NCAM1: variants seen among roughly 807,000 people sequenced by gnomAD.
NCAM1 encodes antigen recognized by monoclonal antibody 5.1H11.
In NCAM1, 14 loss-of-function variants were observed where a neutral mutation model predicts 109.8. That is an observed-to-expected ratio of 0.13 (90% CI 0.08 to 0.20). The LOEUF is 0.20. Ranked by LOEUF, NCAM1 falls within the 10% of genes least tolerant of loss-of-function variation. The pLI, the probability that NCAM1 is intolerant of heterozygous loss-of-function variation, is 1.00. For missense variants in NCAM1, 774 were observed against 1,109.9 expected (o/e 0.70, Z 4.30); for synonymous variants, 418 against 442.9 (o/e 0.94, Z 0.70).
intron 1 of NCAM1, among the ~76,000 whole-genome samples, chr11:113,082,790 C>T (rs1245112): frequency 6.6e-6 from 1 of 151,756 alleles, no homozygotes; most frequent in African/African-American, 2.4e-5. Context: ...ATTCAGCAAC[C>T]GTGAGTATCC....
chr11:112,962,765 C>T lies in NCAM1; in HGVS notation c.52+1101C>T, dbSNP rs1179959834. Among the ~76,000 whole-genome samples, 2 of 152,118 alleles carry T rather than the reference C, an allele frequency of 1.3e-5. No homozygotes were observed. The highest frequency in any genetic ancestry group is 2.4e-5 in the African/African-American group (1 of 41,422). ...CACCCTCCCCTCCAGCTGTCATCCC[C>T]CCACCTCCACCCAAGGATTTGCGCT... On this transcript the variant is annotated intron_variant, in intron 1 of 19. Transcript: ENST00000316851. This position sits in a 1 kb window ranked among gnomAD's most constrained non-coding sequence, Gnocchi z 5.6.
intron 7 of NCAM1, among the ~76,000 whole-genome samples, chr11:113,213,243 T>C (rs1555113893): frequency 6.6e-6 from 1 of 152,228 alleles, no homozygotes. Context: ...TTGGTTCATT[T>C]GTTTGTTTCC....
chr11:113,084,783 A>G (rs1263914929), intron 1 of NCAM1, among the ~76,000 whole-genome samples: 1 of 152,230 alleles, frequency 6.6e-6, no homozygotes, highest in African/African-American at 2.4e-5. Flanking sequence ...CATACCAGCC[A>G]TCTAACTTCT....
chr11:112,967,046 A>G (rs980608838), intron 1 of NCAM1, among the ~76,000 whole-genome samples: 4 of 152,250 alleles, frequency 2.6e-5, no homozygotes, highest in African/African-American at 4.8e-5. Flanking sequence ...TTGAATTCAA[A>G]GATTGCATGG....
chr11:113,231,231 G>A (rs1747695751), intron 9 of NCAM1: 5 of 1,536,176 alleles, frequency 3.3e-6, no homozygotes, highest in South Asian at 2.4e-5. Flanking sequence ...TGGGCAGACA[G>A]AAAGGACAGG....
chr11:113,252,950 C>G (rs1555121658), intron 15 of NCAM1, among the ~76,000 whole-genome samples: 1 of 150,916 alleles, frequency 6.6e-6, no homozygotes, highest in Admixed American at 6.6e-5. Context: ...TGTGACCAGC[C>G]AATATTATTA....
chr11:113,045,651 A>G (rs543205532), intron 1 of NCAM1, among the ~76,000 whole-genome samples: 2 of 152,330 alleles, frequency 1.3e-5, no homozygotes, highest in Admixed American at 1.3e-4. Flanking sequence ...ATACGATAAT[A>G]TATCGCAAAT....
intron 1 of NCAM1, among the ~76,000 whole-genome samples, chr11:113,158,715 A>G (rs1266218943): frequency 3.3e-5 from 5 of 152,192 alleles, no homozygotes; most frequent in African/African-American, 1.2e-4. Context: ...CTTCTCATTA[A>G]TTAACATGTT....
chr11:113,153,191 C>T (rs182058802), intron 1 of NCAM1, among the ~76,000 whole-genome samples: 2 of 152,078 alleles, frequency 1.3e-5, no homozygotes, highest in Non-Finnish European at 2.9e-5. Context: ...TACAGGCACC[C>T]GCCACCACGC....
intron 1 of NCAM1, among the ~76,000 whole-genome samples, chr11:113,051,578 T>G (rs1953493031): frequency 6.6e-6 from 1 of 152,214 alleles, no homozygotes; most frequent in Non-Finnish European, 1.5e-5. Context: ...TCACGTCTTT[T>G]GTTTATGTAC....
At position 113,236,915 on chromosome 11, in the gene NCAM1, G is replaced by A. The variant is rs530534786; in HGVS notation, c.1825+1751G>A. On this transcript the variant is annotated intron_variant, in intron 14 of 19. Coordinates refer to ENST00000316851, the MANE Select transcript of NCAM1 (RefSeq NM_181351.5). ...AAAACGTAGCATGAACTTTGGTTCCGAGCCATGGGCATGTCCCACAGGTAG... is the reference window on the plus strand; with the variant it reads ...AAAACGTAGCATGAACTTTGGTTCCAAGCCATGGGCATGTCCCACAGGTAG... 7.3e-4 allele frequency among the ~76,000 whole-genome samples: 111 copies of A among 152,330 alleles called. 1 individual carries two copies. The highest frequency in any genetic ancestry group is 5.6e-3 in the South Asian group (27 of 4,828).
chr11:113,113,007 C>G (rs1940513440), intron 1 of NCAM1, among the ~76,000 whole-genome samples: 1 of 152,080 alleles, frequency 6.6e-6, no homozygotes, highest in South Asian at 2.1e-4. Flanking sequence ...GGGTGTGCAC[C>G]TGTAATCCCA....
At chr11:113,062,025 A>G (rs1435010930) in intron 1 of NCAM1, among the ~76,000 whole-genome samples, 3 of 152,150 alleles carry the variant, frequency 2.0e-5, no homozygotes, top group African/African-American at 7.2e-5. Flanking sequence ...GAAGTACCCT[A>G]CCTTGCAGCT....
chr11:113,009,312 G>GTTTTTTTGTTTTTTTTTTTTT (rs1555073910), intron 1 of NCAM1, among the ~76,000 whole-genome samples: 2 of 79,656 alleles, frequency 2.5e-5, no homozygotes, highest in African/African-American at 4.8e-5. Context: ...GTTTTTTCGG[G>GTTTTTTTGTTTTTTTTTTTTT]TTTTTTTTTT....
chr11:113,159,144 C>A (rs797024309), intron 1 of NCAM1, among the ~76,000 whole-genome samples: 5 of 152,074 alleles, frequency 3.3e-5, no homozygotes, highest in African/African-American at 1.2e-4. Context: ...CAAGATTAAT[C>A]ATCTAATATC....
rs146802379 is a variant in NCAM1, at chr11:112,980,861, A to G, written c.52+19197A>G. ...TCATGAGAATAGCTAAAATAATTTT[A>G]TTTGGATATTCCTCAAAGAACTATT... On this transcript the variant is annotated intron_variant, in intron 1 of 19. Coordinates refer to ENST00000316851, the MANE Select transcript of NCAM1 (RefSeq NM_181351.5). 7.2e-5 allele frequency among the ~76,000 whole-genome samples: 11 copies of G among 152,000 alleles called. No homozygotes were observed. In the East Asian group the frequency reaches 2.1e-3, roughly 29 times the overall value.
chr11:113,169,166 G>A (rs1381164232), intron 1 of NCAM1, among the ~76,000 whole-genome samples: 1 of 151,972 alleles, frequency 6.6e-6, no homozygotes, highest in East Asian at 1.9e-4. Context: ...TGACCTAGCT[G>A]ATAGCAACCA....
intron 1 of NCAM1, among the ~76,000 whole-genome samples, chr11:113,131,840 G>A (rs368773134): frequency 6.6e-6 from 1 of 152,314 alleles, no homozygotes; most frequent in South Asian, 2.1e-4. Context: ...ACCCAGCCAC[G>A]TGGTTATGGC....
intron 1 of NCAM1, among the ~76,000 whole-genome samples, chr11:113,041,937 T>C (rs7125183): frequency 0.99 from 150,400 of 152,282 alleles, 74,298 homozygotes; most frequent in East Asian, 1. Context: ...TTTTCTCTTC[T>C]CTCTCTAAAA....
Sources: gnomAD v4.1 joint callset for allele counts (sites outside exome capture counted in the v4.1 genomes callset) on GRCh38, gnomAD v4.1.1 for gene constraint, Gnocchi (gnomAD v3.1) non-coding constraint, MANE v1.5 for transcripts, NCBI Gene and HGNC (gene_info 2026-07-23, HGNC 2026-07-21) for gene names.